INTS6: variants seen among roughly 807,000 people sequenced by gnomAD.
INTS6 encodes DEAD box protein.
A neutral mutation model predicts 104.9 loss-of-function variants in INTS6; 16 were observed. The ratio of observed to expected loss-of-function variants is 0.15; its 90% CI spans 0.10 to 0.23. The LOEUF (loss-of-function observed/expected upper bound fraction) is 0.23. INTS6 is among the 10% of genes least tolerant of loss of function. The pLI, the probability that INTS6 is intolerant of heterozygous loss-of-function variation, is 1.00. For synonymous variants in INTS6, 324 were observed against 358.7 expected, an observed-to-expected ratio of 0.90 and a Z score of 1.09; for missense variants, 584 against 1,062.8, an observed-to-expected ratio of 0.55 and a Z score of 6.26.
chr13:51,356,832 A>G (rs1955489040), downstream of INTS6, among the ~76,000 whole-genome samples: 1 of 151,656 alleles, frequency 6.6e-6, no homozygotes, highest in Non-Finnish European at 1.5e-5. Flanking sequence ...TGCTCAAACC[A>G]GCAGAAAGGT....
rs1953073327 is a variant in INTS6 at position 51,452,192 on chromosome 13, C to CT, written c.112-138_112-137insA. ...AGCGGCCACCCCTCCACGCCGTCCC[C>CT]CACACACAGATCGCTCCCCACACAC... is the stretch of plus-strand genomic sequence containing the variant. On this transcript the variant is annotated intron_variant, in intron 1 of 17. Coordinates refer to ENST00000311234, the MANE Select transcript of INTS6 (RefSeq NM_012141.3). The surrounding 1 kb of genome is among the most constrained non-coding windows in gnomAD (Gnocchi z 4.2). 1 of 824,598 alleles carries CT rather than the reference C, an allele frequency of 1.2e-6. No individual in the cohort carries two copies. Among genetic ancestry groups the CT allele is most frequent in the Non-Finnish European group, 1.8e-6 (1 of 547,314 alleles). The allele number at this position is 824,598 out of a possible 1,614,324, so 51.1% of individuals were successfully genotyped here. A position where few individuals can be genotyped will look rare whatever the true frequency, so the allele number is the denominator to read the frequency against.
Position 51,378,235 on chromosome 13 carries a change from T to TTA in INTS6, c.1602+2_1602+3dup. The TTA allele has an allele frequency of 3.1e-6, 5 of 1,600,784 alleles. No homozygotes were observed. The highest frequency in any genetic ancestry group is 3.4e-6 in the Non-Finnish European group (4 of 1,168,162). ...TAGAGTAGCACTAAATTCATGATTA[T>TTA]TACCTTATTCAGCAAAGCAACTTGG... On this transcript the variant is annotated splice_donor_region_variant and intron_variant, in intron 12 of 17. Transcript: ENST00000311234.
In INTS6 at chr13:51,374,842, T is replaced by A. The variant is rs546933972; in HGVS notation, c.1730-46A>T. The A allele has an allele frequency of 6.3e-6, 10 of 1,595,962 alleles. No individual in the cohort carries two copies. The South Asian group carries it at 1.0e-4, about 16-fold the overall frequency. On this transcript the variant is annotated intron_variant, in intron 13 of 17. Transcript: ENST00000311234. ...GCAAAAAAAGTTAACCTCCAATTAG[T>A]TCTCAAATAATGTTTCCTTATATAT...
intron 5 of INTS6, among the ~76,000 whole-genome samples, chr13:51,394,213 A>G (rs1478026411): frequency 6.6e-6 from 1 of 152,170 alleles, no homozygotes; most frequent in Non-Finnish European, 1.5e-5. Flanking sequence ...CCCTAAAAAA[A>G]ATTACATATA....
the INTS6 span, among the ~76,000 whole-genome samples, chr13:51,335,278 T>G: frequency 6.6e-6 from 1 of 152,150 alleles, no homozygotes; most frequent in Non-Finnish European, 1.5e-5. Flanking sequence ...GGATGTATAC[T>G]CTATGTGGAC....
intron 4 of INTS6, among the ~76,000 whole-genome samples, chr13:51,409,821 T>C (rs996154606): frequency 6.6e-6 from 1 of 152,118 alleles, no homozygotes; most frequent in African/African-American, 2.4e-5. Context: ...GGAAGAAGTG[T>C]ACCTGTCTAT....
chr13:51,361,646 CTT>C lies in INTS6; in HGVS notation c.*4104_*4105del, dbSNP rs1269989390. On this transcript the variant is annotated 3_prime_UTR_variant, in exon 18 of 18. Coordinates refer to ENST00000311234, the MANE Select transcript of INTS6 (RefSeq NM_012141.3). ...GGAGACAGGATTGGCTAAATGGCAT[CTT>C]TTCTCTTTAATTTTCCCATCTGCAC... is the stretch of plus-strand genomic sequence containing the variant. 1.6e-6 allele frequency: 1 copy of C among 635,760 alleles called. No homozygotes were observed. The highest frequency in any genetic ancestry group is 2.6e-6 in the Non-Finnish European group (1 of 379,520). 39.4% of individuals were successfully genotyped at this position (635,760 alleles called of 1,614,324 possible). A position where few individuals can be genotyped will look rare whatever the true frequency, so the allele number is the denominator to read the frequency against.
chr13:51,440,449 A>G (rs1952774545), intron 3 of INTS6: 1 of 152,136 alleles, frequency 6.6e-6, no homozygotes, highest in Non-Finnish European at 1.5e-5. Flanking sequence ...TTTTTTAATA[A>G]ATTTAGTGTA....
intron 3 of INTS6, chr13:51,450,717 G>A (rs941646856): frequency 1.2e-5 from 12 of 1,022,806 alleles, no homozygotes; most frequent in African/African-American, 1.7e-5. Context: ...CATGAGTGTG[G>A]TGTGGTAGGA....
chr13:51,351,881 T>C (rs1256253633), downstream of INTS6, among the ~76,000 whole-genome samples: 1 of 152,122 alleles, frequency 6.6e-6, no homozygotes, highest in East Asian at 1.9e-4. Context: ...CCCAATATCA[T>C]TTGTTAAAAT....
At chr13:51,440,673 G>C (rs532649732) in intron 3 of INTS6, 19 of 152,256 alleles carry the variant, frequency 1.2e-4, no homozygotes, top group Non-Finnish European at 2.4e-4. Context: ...ATGAATGCTT[G>C]TAAGTGTTAA....
intron 4 of INTS6, among the ~76,000 whole-genome samples, chr13:51,397,728 C>T (rs1956364748): frequency 2.0e-5 from 3 of 152,238 alleles, no homozygotes; most frequent in East Asian, 3.9e-4. Flanking sequence ...CGTGAAGTTT[C>T]AACTGTTAAT....
chr13:51,435,040 C>T (rs542960343), intron 3 of INTS6, among the ~76,000 whole-genome samples: 1 of 152,018 alleles, frequency 6.6e-6, no homozygotes, highest in Middle Eastern at 3.4e-3. Flanking sequence ...TATAAAGTCA[C>T]TCAGTTGGGA....
At chr13:51,389,588 T>A in intron 5 of INTS6, 144 bp from the exon 6 acceptor site, 1 of 674,010 alleles carries the variant, frequency 1.5e-6, no homozygotes, top group Non-Finnish European at 2.2e-6. Flanking sequence ...AAAAGTTGAC[T>A]AATTTCATTA....
intron 3 of INTS6, among the ~76,000 whole-genome samples, chr13:51,430,674 T>C (rs1957074337): frequency 6.6e-6 from 1 of 152,198 alleles, no homozygotes; most frequent in African/African-American, 2.4e-5. Context: ...ACTAAGAGTA[T>C]TTAATTTCTT....
At chr13:51,445,735 A>C (rs1952902679) in intron 3 of INTS6, 1 of 152,218 alleles carries the variant, frequency 6.6e-6, no homozygotes, top group Non-Finnish European at 1.5e-5. Context: ...ATGGGGAAAA[A>C]ACATTTAAGC....
At position 51,452,285 on chromosome 13, in the gene INTS6, G is replaced by C; in HGVS notation, c.111+130C>G. ...AGCGCCCGCCCGCCCGCGCGGTGGG[G>C]GAGGGGGTCCCCGAGCCCGGCAGCT... is the stretch of plus-strand genomic sequence containing the variant. On this transcript the variant is annotated intron_variant, in intron 1 of 17. Transcript: ENST00000311234. The surrounding 1 kb of genome is among the most constrained non-coding windows in gnomAD (Gnocchi z 4.2). 1 of 1,005,448 alleles carries C rather than the reference G, an allele frequency of 9.9e-7. No homozygotes were observed. Among genetic ancestry groups the C allele is most frequent in the Non-Finnish European group, 1.2e-6 (1 of 800,464 alleles). The allele number at this position is 1,005,448 out of a possible 1,614,324, so 62.3% of individuals were successfully genotyped here.
chr13:51,416,706 G>T (rs1187524913), intron 4 of INTS6, among the ~76,000 whole-genome samples: 2 of 152,138 alleles, frequency 1.3e-5, no homozygotes, highest in African/African-American at 4.8e-5. Context: ...TTTTTGTGTA[G>T]ACATGTTTTC....
chr13:51,398,589 A>G (rs1170232381), intron 4 of INTS6, among the ~76,000 whole-genome samples: 1 of 152,156 alleles, frequency 6.6e-6, no homozygotes, highest in East Asian at 1.9e-4. Flanking sequence ...GGAACTCTCC[A>G]ATACTTCTGG....
Sources: allele counts gnomAD v4.1 joint callset (sites outside exome capture counted in the v4.1 genomes callset), GRCh38; gene constraint gnomAD v4.1.1; non-coding constraint Gnocchi (gnomAD v3.1); transcripts MANE v1.5; gene names NCBI Gene and HGNC (gene_info 2026-07-23, HGNC 2026-07-21).